Variants in KIFC3 observed in about 807,000 individuals in gnomAD.
The protein encoded by KIFC3 is kinesin family member C3.
In KIFC3, 60 loss-of-function variants were observed where a neutral mutation model predicts 101.8. The ratio of observed to expected loss-of-function variants is 0.59; its 90% CI spans 0.48 to 0.73. The LOEUF (loss-of-function observed/expected upper bound fraction) is 0.73, where lower values mean the gene tolerates loss of function less well. KIFC3 is among the 30% of genes least tolerant of loss of function. KIFC3 has a pLI of 0.00. For synonymous variants in KIFC3, 476 were observed against 482.7 expected (o/e 0.99, Z 0.18); for missense variants, 966 against 1,137.1 (o/e 0.85, Z 2.16).
intron 9 of KIFC3, among the ~76,000 whole-genome samples, chr16:57,767,810 C>G (rs2050658317): frequency 6.6e-6 from 1 of 151,982 alleles, no homozygotes. Context: ...GTAGCTGGGA[C>G]TACAGGTGCA....
chr16:57,765,839 T>G, intron 10 of KIFC3, 199 bp from the exon 11 acceptor site: 1 of 541,342 alleles, frequency 1.8e-6, no homozygotes, highest in Non-Finnish European at 3.2e-6. Context: ...CATTTCTTCT[T>G]GAACAGACCA....
At chr16:57,775,823 GTCAA>G (rs2051984041) in intron 3 of KIFC3, 3 of 985,496 alleles carry the variant, frequency 3.0e-6, no homozygotes, top group Admixed American at 1.2e-4. Context: ...CAGCATGGAC[GTCAA>G]TCCAGGGCTG....
At chr16:57,822,416 A>T (rs147365622) in intron 1 of KIFC3, among the ~76,000 whole-genome samples, 43 of 152,310 alleles carry the variant, frequency 2.8e-4, no homozygotes, top group African/African-American at 1.0e-3. Context: ...TAAAATGCCA[A>T]TGTGGCTGGG....
chr16:57,797,795 A>G, intron 2 of KIFC3: 1 of 1,355,922 alleles, frequency 7.4e-7, no homozygotes, highest in Non-Finnish European at 9.5e-7. Flanking sequence ...GCTTGGCCAG[A>G]GGGAATGCAG....
In KIFC3 at chr16:57,760,704, C is replaced by T. The variant is rs76303705; in HGVS notation, c.2232+22G>A. The T allele has an allele frequency of 2.5e-3, 4,024 of 1,600,328 alleles. 80 individuals are homozygous for T. In the African/African-American group the frequency reaches 0.045, roughly 18 times the overall value. On this transcript the variant is annotated intron_variant, in intron 16 of 19. Transcript: ENST00000445690. ...AGCCCCTACATGCTAGGGACTGGCCCGCCCTAACCCAAGGTCCTCACCTGT... is the reference window on the plus strand; with the variant it reads ...AGCCCCTACATGCTAGGGACTGGCCTGCCCTAACCCAAGGTCCTCACCTGT...
At chr16:57,767,845 T>A (rs1195745348) in intron 9 of KIFC3, among the ~76,000 whole-genome samples, 1 of 152,064 alleles carries the variant, frequency 6.6e-6, no homozygotes, top group East Asian at 1.9e-4. Context: ...GCTAGTTTTT[T>A]TATATTTTTT....
intron 1 of KIFC3, chr16:57,798,564 C>T (rs1555624319): frequency 3.9e-6 from 2 of 515,898 alleles, no homozygotes; most frequent in African/African-American, 2.0e-5. Flanking sequence ...CCCAGCTGAG[C>T]CTGGAGCCTG....
chr16:57,798,449 A>C (rs2054515391), intron 1 of KIFC3, 167 bp from the exon 2 acceptor site: 3 of 642,412 alleles, frequency 4.7e-6, no homozygotes, highest in Non-Finnish European at 8.1e-6. Context: ...TCGCAGGATG[A>C]AATGGGGCCT....
chr16:57,845,334 C>T (rs1411036573), intron 1 of KIFC3, among the ~76,000 whole-genome samples: 4 of 152,206 alleles, frequency 2.6e-5, no homozygotes, highest in Non-Finnish European at 5.9e-5. Context: ...CCTTGACCAG[C>T]TGCAATCACC....
At chr16:57,761,843 C>A (rs1055593405) in intron 13 of KIFC3, among the ~76,000 whole-genome samples, 2 of 152,178 alleles carry the variant, frequency 1.3e-5, no homozygotes, top group Non-Finnish European at 2.9e-5. Context: ...CTCCTCCCCC[C>A]AGAACCATCC....
intron 3 of KIFC3, chr16:57,785,788 AC>A: frequency 2.3e-6 from 1 of 441,452 alleles, no homozygotes; most frequent in Non-Finnish European, 3.4e-6. Context: ...GGGGTGGGCA[AC>A]CAGGTGAGGG....
At chr16:57,762,291 C>A (rs782378495) in intron 12 of KIFC3, 21 bp from the exon 13 acceptor site, 2 of 1,521,700 alleles carry the variant, frequency 1.3e-6, no homozygotes, top group Non-Finnish European at 1.8e-6. Flanking sequence ...AAGGAAAGGC[C>A]CCAGTAAGCC....
intron 12 of KIFC3, among the ~76,000 whole-genome samples, chr16:57,763,724 C>T (rs1429342023): frequency 6.6e-6 from 1 of 152,180 alleles, no homozygotes; most frequent in African/African-American, 2.4e-5. Flanking sequence ...GCCAGTCTTG[C>T]CCTGGGATCT....
intron 1 of KIFC3, among the ~76,000 whole-genome samples, chr16:57,798,859 C>T (rs540048167): frequency 6.6e-5 from 10 of 152,308 alleles, no homozygotes; most frequent in Non-Finnish European, 8.8e-5. Context: ...GACTAGCCTG[C>T]GCTCTGTGCC....
intron 1 of KIFC3, among the ~76,000 whole-genome samples, chr16:57,843,138 A>T (rs900176769): frequency 1.1e-4 from 17 of 152,220 alleles, no homozygotes; most frequent in South Asian, 1.0e-3. Context: ...TGTCTCAAAA[A>T]ATATATATAT....
intron 9 of KIFC3, among the ~76,000 whole-genome samples, chr16:57,768,833 C>T (rs781821786): frequency 1.3e-5 from 2 of 152,120 alleles, no homozygotes; most frequent in Non-Finnish European, 2.9e-5. Context: ...CTCATATGTA[C>T]AAGTACAGCT....
rs782196056 is a variant in KIFC3 at position 57,758,695 on chromosome 16, C to T, written c.*239G>A. 21 of 737,046 alleles carry T rather than the reference C, an allele frequency of 2.8e-5. No homozygotes were observed. The highest frequency in any genetic ancestry group is 4.4e-5 in the South Asian group (3 of 67,782). 45.7% of individuals were successfully genotyped at this position (737,046 alleles called of 1,614,324 possible). On this transcript the variant is annotated 3_prime_UTR_variant, in exon 20 of 20. Coordinates refer to ENST00000445690, the MANE Select transcript of KIFC3 (RefSeq NM_001130100.2). ...GGAAGAGCAGCCACCCCCGCCTTTC[C>T]GCCCATGCAATTTGCACTCAGAGCC...
chr16:57,759,396 G>A, intron 18 of KIFC3: 1 of 600,480 alleles, frequency 1.7e-6, no homozygotes, highest in Non-Finnish European at 3.0e-6. Context: ...GGGCTGCAGG[G>A]GCTGCTCTGG....
At chr16:57,788,219 C>T (rs2053525892) in intron 3 of KIFC3, among the ~76,000 whole-genome samples, 1 of 152,212 alleles carries the variant, frequency 6.6e-6, no homozygotes, top group African/African-American at 2.4e-5. Flanking sequence ...TCTCTCTCTG[C>T]AGGTGGTGGC....
Sources: allele counts gnomAD v4.1 joint callset (sites outside exome capture counted in the v4.1 genomes callset), GRCh38; gene constraint gnomAD v4.1.1; transcripts MANE v1.5; gene names NCBI Gene and HGNC (gene_info 2026-07-23, HGNC 2026-07-21).